Variants in STXBP2 observed in about 807,000 individuals in gnomAD.
STXBP2 encodes the protein syntaxin binding protein 2.
A neutral mutation model predicts 72.2 loss-of-function variants in STXBP2; 47 were observed. The observed-to-expected ratio is 0.65, with a 90% CI of 0.51 to 0.83. The LOEUF is 0.83. STXBP2 is among the 40% of genes least tolerant of loss of function. The pLI is 0.00. For missense variants in STXBP2, 702 were observed against 807.6 expected, an observed-to-expected ratio of 0.87 and a Z score of 1.58; for synonymous variants, 367 against 338.7, an observed-to-expected ratio of 1.08 and a Z score of -0.92.
upstream of STXBP2, chr19:7,633,411 G>A: frequency 1.3e-6 from 2 of 1,571,094 alleles, no homozygotes; most frequent in African/African-American, 1.3e-5. Context: ...TCTCACCTCG[G>A]CACAGGGGCC....
At chr19:7,647,290 T>C (rs761570790) in intron 17 of STXBP2, 43 bp downstream of exon 17, 13 of 1,611,196 alleles carry the variant, frequency 8.1e-6, no homozygotes, top group Non-Finnish European at 1.1e-5. Flanking sequence ...GGGTCTGTGT[T>C]AGGTGGGCGG....
intron 4 of STXBP2, 116 bp from the exon 5 acceptor site, chr19:7,640,615 G>T: frequency 7.4e-7 from 1 of 1,344,056 alleles, no homozygotes; most frequent in Non-Finnish European, 1.1e-6. Context: ...ACATATACAT[G>T]TCCCCGTCCG....
At chr19:7,639,867 T>A in intron 4 of STXBP2, 60 bp downstream of exon 4, 1 of 1,530,192 alleles carries the variant, frequency 6.5e-7, no homozygotes. Context: ...TGCATGTGTG[T>A]GTATGTCTGC....
chr19:7,632,014 G>C, upstream of STXBP2: 1 of 501,390 alleles, frequency 2.0e-6, no homozygotes. The surrounding 1 kb of genome is among the most constrained non-coding windows in gnomAD (Gnocchi z 5.2). Context: ...ATCTTGATCA[G>C]AACCCAAGCT....
the STXBP2 span, chr19:7,631,446 C>G: frequency 6.6e-7 from 1 of 1,526,400 alleles, no homozygotes; most frequent in African/African-American, 1.4e-5. Flanking sequence ...TCCCCCCTTC[C>G]TGTCCCACCC....
At chr19:7,647,664 G>A (rs1033588163) in intron 18 of STXBP2, 61 bp from the exon 19 acceptor site, 1 of 1,605,684 alleles carries the variant, frequency 6.2e-7, no homozygotes, top group South Asian at 1.1e-5. Flanking sequence ...GGGACCGGGA[G>A]CCTGTCAAAG....
rs2031695434 is a variant in STXBP2, at chr19:7,639,326, C to T, written c.169+226C>T. 4.7e-6 allele frequency: 3 copies of T among 639,370 alleles called. No homozygotes were observed. In the African/African-American group the frequency reaches 5.4e-5, roughly 11 times the overall value. The allele number at this position is 639,370 out of a possible 1,614,324, so 39.6% of individuals were successfully genotyped here. A position where few individuals can be genotyped will look rare whatever the true frequency, so the allele number is the denominator to read the frequency against. On this transcript the variant is annotated intron_variant, in intron 3 of 18. Coordinates refer to ENST00000221283, the MANE Select transcript of STXBP2 (RefSeq NM_006949.4). The stretch of plus-strand genomic sequence containing the variant: ...GATTGCAGGCCTCCCCTGCAGCACT[C>T]CCTGGCTGCAGCCCCTTCCTGACCG...
In STXBP2 at chr19:7,642,654, C is replaced by T. The variant is rs567694356; in HGVS notation, c.903-112C>T. 4.1e-6 allele frequency: 6 copies of T among 1,479,000 alleles called. No homozygotes were observed. In the Admixed American group the frequency reaches 8.8e-5, roughly 22 times the overall value. The allele number at this position is 1,479,000 out of a possible 1,614,324, so 91.6% of individuals were successfully genotyped here. A position where few individuals can be genotyped will look rare whatever the true frequency, so the allele number is the denominator to read the frequency against. On this transcript the variant is annotated intron_variant, in intron 10 of 18. Transcript: ENST00000221283. The surrounding 1 kb of genome is among the most constrained non-coding windows in gnomAD (Gnocchi z 6.0). ...CCTCATGAGCACCCCTCGTGTGACT[C>T]CAGACTGGCCTCCAATTTCACCCCA...
chr19:7,639,956 G>A (rs1460359143), intron 4 of STXBP2, 149 bp downstream of exon 4: 2 of 847,262 alleles, frequency 2.4e-6, no homozygotes, highest in Non-Finnish European at 1.9e-6. Context: ...GTGCATGTGT[G>A]TGTGCATCTG....
intron 7 of STXBP2, 41 bp downstream of exon 7, chr19:7,641,894 CTTA>C: frequency 1.3e-6 from 2 of 1,580,806 alleles, no homozygotes; most frequent in East Asian, 2.4e-5. Flanking sequence ...CCGACCCCCC[CTTA>C]ACCGCGTGCA....
At chr19:7,647,559 G>A in intron 18 of STXBP2, 48 bp downstream of exon 18, 1 of 1,572,008 alleles carries the variant, frequency 6.4e-7, no homozygotes, top group East Asian at 2.4e-5. Context: ...TGGGTTCCCG[G>A]GGCCTGGGCT....
At chr19:7,640,670 T>G in intron 4 of STXBP2, 61 bp from the exon 5 acceptor site, 1 of 1,608,314 alleles carries the variant, frequency 6.2e-7, no homozygotes. Flanking sequence ...CTGGGAGGCC[T>G]AGGCAGCCAA....
In STXBP2 at chr19:7,641,654, G is replaced by A; in HGVS notation, c.430-51G>A. 4.5e-6 allele frequency: 7 copies of A among 1,549,260 alleles called. No homozygotes were observed. In the South Asian group the frequency reaches 6.0e-5, roughly 13 times the overall value. ...GGTGGCGGCAGCGGGAAGCGGGGCA[G>A]GTGTGCACCTGCAGCGGCAACCCTG... On this transcript the variant is annotated intron_variant, in intron 6 of 18. Coordinates refer to ENST00000221283, the MANE Select transcript of STXBP2 (RefSeq NM_006949.4).
chr19:7,647,686 G>GC (rs769770406), intron 18 of STXBP2, 39 bp from the exon 19 acceptor site: 54 of 1,610,088 alleles, frequency 3.4e-5, no homozygotes, highest in Non-Finnish European at 4.4e-5. Flanking sequence ...CGAAGGCAGC[G>GC]CCCCCCAACA....
chr19:7,640,156 C>G lies in STXBP2; in HGVS notation c.246+349C>G, dbSNP rs755681241. ...TATGTGTGTGTGCATCTGTGTGCAT[C>G]TGTATGTGTGTGTGTGCGTCTGTCT... On this transcript the variant is annotated intron_variant, in intron 4 of 18. Transcript: ENST00000221283. 2.7e-3 allele frequency: 1,366 copies of G among 506,436 alleles called. 17 individuals carry two copies. The African/African-American group carries it at 0.027, about 10-fold the overall frequency. The allele number at this position is 506,436 out of a possible 1,614,324, so 31.4% of individuals were successfully genotyped here.
At chr19:7,637,087 G>T, upstream of STXBP2, 3 of 1,232,002 alleles carry the variant, frequency 2.4e-6, no homozygotes, top group Non-Finnish European at 3.0e-6. Context: ...CGTGGGTGAC[G>T]CGCGGGGCCA....
At chr19:7,646,098 T>G in intron 15 of STXBP2, 151 bp from the exon 16 acceptor site, 1 of 648,462 alleles carries the variant, frequency 1.5e-6, no homozygotes, top group Non-Finnish European at 2.8e-6. Flanking sequence ...TCTCTCGCTT[T>G]CTTGCTGTCT....
intron 3 of STXBP2, chr19:7,639,519 G>A (rs1313422301): frequency 1.6e-6 from 1 of 620,886 alleles, no homozygotes; most frequent in Non-Finnish European, 2.9e-6. Flanking sequence ...CAGTCTCCCT[G>A]TCTGTAAATT....
chr19:7,635,793 T>G (rs1377529491), upstream of STXBP2, among the ~76,000 whole-genome samples: 16 of 152,206 alleles, frequency 1.1e-4, no homozygotes. Context: ...AACTCCTACC[T>G]ACGGTTGCCA....
Sources: gnomAD v4.1 joint callset for allele counts (sites outside exome capture counted in the v4.1 genomes callset) on GRCh38, gnomAD v4.1.1 for gene constraint, Gnocchi (gnomAD v3.1) non-coding constraint, MANE v1.5 for transcripts, NCBI Gene and HGNC (gene_info 2026-07-23, HGNC 2026-07-21) for gene names.